Variants in CHODL observed in about 807,000 individuals in gnomAD.
CHODL encodes transmembrane protein MT75.
CHODL carries 29 observed loss-of-function variants against 34.5 expected under a neutral mutation model. The ratio of observed to expected loss-of-function variants is 0.84; its 90% CI spans 0.63 to 1.15. The LOEUF is 1.15. Ranked by LOEUF, CHODL falls within the 50% of genes most tolerant of loss-of-function variation. The pLI, the probability that CHODL is intolerant of heterozygous loss-of-function variation, is 0.00. For synonymous variants in CHODL, 125 were observed against 116.1 expected, an observed-to-expected ratio of 1.08 and a Z score of -0.49; for missense variants, 332 against 332.5, an observed-to-expected ratio of 1.00 and a Z score of 0.01.
At chr21:18,095,453 C>T (rs747532954) in intron 2 of CHODL, among the ~76,000 whole-genome samples, 49 of 152,016 alleles carry the variant, frequency 3.2e-4, no homozygotes, top group Non-Finnish European at 6.5e-4. Flanking sequence ...TAAGATTGAA[C>T]CATTAAGAAA....
intron 2 of CHODL, among the ~76,000 whole-genome samples, chr21:18,157,939 C>A (rs369632778): frequency 6.0e-5 from 9 of 151,096 alleles, no homozygotes; most frequent in African/African-American, 1.9e-4. Context: ...GAAAATAAAT[C>A]TATTCCAGAA....
At chr21:18,151,988 CTGTGTGTGTGTGTGTG>C (rs71941239) in intron 2 of CHODL, among the ~76,000 whole-genome samples, 12 of 146,508 alleles carry the variant, frequency 8.2e-5, no homozygotes, top group Non-Finnish European at 1.5e-4. Context: ...GTATATAACT[CTGTGTGTGTGTGTGTG>C]TGTGTGTGTG....
At chr21:18,126,595 AT>A (rs112117170) in intron 2 of CHODL, among the ~76,000 whole-genome samples, 12,207 of 140,958 alleles carry the variant, frequency 0.087, 517 homozygotes, top group Middle Eastern at 0.16. Flanking sequence ...ATATCTTTTC[AT>A]TTTTTTTTTT....
chr21:18,028,832 A>C (rs2064215138), intron 2 of CHODL, among the ~76,000 whole-genome samples: 1 of 152,062 alleles, frequency 6.6e-6, no homozygotes, highest in Admixed American at 6.6e-5. Flanking sequence ...TTTCAAAGTC[A>C]CTTATTTAGC....
chr21:18,195,474 C>T (rs2073575980), intron 2 of CHODL, among the ~76,000 whole-genome samples: 1 of 152,168 alleles, frequency 6.6e-6, no homozygotes, highest in Admixed American at 6.5e-5. Flanking sequence ...TCACCATCAC[C>T]CGCAGTCCTC....
chr21:18,247,132 G>T (rs1029364389), intron 1 of CHODL, among the ~76,000 whole-genome samples: 1 of 151,934 alleles, frequency 6.6e-6, no homozygotes, highest in Non-Finnish European at 1.5e-5. Context: ...GACCACAATG[G>T]CCAGAGAACA....
chr21:17,995,470 A>G (rs1023277783), intron 1 of CHODL, among the ~76,000 whole-genome samples: 1 of 152,134 alleles, frequency 6.6e-6, no homozygotes, highest in Admixed American at 6.5e-5. Context: ...CTGTGCTTCA[A>G]GCACTCCCTG....
intron 3 of CHODL, among the ~76,000 whole-genome samples, chr21:18,257,822 A>ACTTTAACTAGG (rs1241352004): frequency 2.6e-5 from 4 of 152,298 alleles, no homozygotes; most frequent in Non-Finnish European, 4.4e-5. Flanking sequence ...CATTTGAATT[A>ACTTTAACTAGG]CTTTAACTAG....
At chr21:18,137,461 T>TA (rs1431007257) in intron 2 of CHODL, among the ~76,000 whole-genome samples, 1 of 152,136 alleles carries the variant, frequency 6.6e-6, no homozygotes, top group African/African-American at 2.4e-5. Context: ...TTTACCTACT[T>TA]AGAGCGTTTT....
At chr21:18,183,323 A>T (rs1393913054) in intron 2 of CHODL, among the ~76,000 whole-genome samples, 2 of 152,202 alleles carry the variant, frequency 1.3e-5, no homozygotes, top group Admixed American at 1.3e-4. Flanking sequence ...GAAATTTAAA[A>T]TCAGGTTTAA....
At chr21:18,006,872 A>G (rs192753701) in intron 1 of CHODL, among the ~76,000 whole-genome samples, 5 of 152,354 alleles carry the variant, frequency 3.3e-5, no homozygotes, top group Admixed American at 2.0e-4. Flanking sequence ...GCACTTAAGC[A>G]GCTTGGTGCC....
rs960607777 is a variant in CHODL, at chr21:18,231,097, A to G, written c.-44-25412A>G. Among the ~76,000 whole-genome samples the G allele has an allele frequency of 9.9e-5, 15 of 152,126 alleles. No individual in the cohort carries two copies. In the South Asian group the frequency reaches 1.9e-3, roughly 19 times the overall value. On this transcript the variant is annotated intron_variant, in intron 2 of 6. Coordinates refer to the CHODL transcript ENST00000400127. ...TTTTAATTTAGTGATACTATAGTCCATTGGGGAGAATATGGGCATTGTAGC... is the reference window on the plus strand; with the variant it reads ...TTTTAATTTAGTGATACTATAGTCCGTTGGGGAGAATATGGGCATTGTAGC...
chr21:18,135,558 T>C (rs1257864161), intron 2 of CHODL, among the ~76,000 whole-genome samples: 1 of 152,084 alleles, frequency 6.6e-6, no homozygotes, highest in Non-Finnish European at 1.5e-5. Context: ...GTCAATCCCT[T>C]CTCCTATATC....
At chr21:18,264,075 G>C (rs1384980546) in intron 5 of CHODL, among the ~76,000 whole-genome samples, 1 of 152,068 alleles carries the variant, frequency 6.6e-6, no homozygotes, top group Non-Finnish European at 1.5e-5. Flanking sequence ...AACCAAAACA[G>C]CTAAATCTAA....
At chr21:18,186,137 T>C (rs1463528331) in intron 2 of CHODL, among the ~76,000 whole-genome samples, 1 of 152,182 alleles carries the variant, frequency 6.6e-6, no homozygotes, top group Non-Finnish European at 1.5e-5. Context: ...ATTTTCTCTA[T>C]GTGGGCTTTC....
intron 1 of CHODL, among the ~76,000 whole-genome samples, chr21:17,968,020 G>A (rs983017598): frequency 1.3e-5 from 2 of 152,164 alleles, no homozygotes; most frequent in Non-Finnish European, 2.9e-5. Context: ...TGCGGAAGTT[G>A]TGCTGAAACA....
intron 2 of CHODL, among the ~76,000 whole-genome samples, chr21:18,148,934 T>C (rs1414001501): frequency 2.6e-5 from 4 of 151,856 alleles, no homozygotes; most frequent in African/African-American, 9.7e-5. Context: ...ACTTGTTTGC[T>C]AACCATGGGA....
intron 1 of CHODL, among the ~76,000 whole-genome samples, chr21:17,975,234 G>T (rs888240605): frequency 6.6e-6 from 1 of 152,032 alleles, no homozygotes; most frequent in African/African-American, 2.4e-5. Flanking sequence ...ACCTAATAAT[G>T]CATGTTCTCA....
intron 1 of CHODL, among the ~76,000 whole-genome samples, chr21:17,984,393 G>A (rs960113485): frequency 1.3e-5 from 2 of 152,096 alleles, no homozygotes; most frequent in African/African-American, 4.8e-5. Context: ...ACCCAGAATT[G>A]GGATTGCGGG....
Sources: allele counts gnomAD v4.1 joint callset (sites outside exome capture counted in the v4.1 genomes callset), GRCh38; gene constraint gnomAD v4.1.1; transcripts MANE v1.5; gene names NCBI Gene and HGNC (gene_info 2026-07-23, HGNC 2026-07-21).